SORCS3: variants seen among roughly 807,000 people sequenced by gnomAD.
SORCS3 encodes the protein VPS10 domain-containing receptor SorCS3.
In SORCS3, 57 loss-of-function variants were observed where a neutral mutation model predicts 146.3. The ratio of observed to expected loss-of-function variants is 0.39; its 90% CI spans 0.31 to 0.49. The LOEUF (loss-of-function observed/expected upper bound fraction) is 0.49. Among genes scored for constraint, SORCS3 ranks in the 20% least tolerant of loss-of-function variants. SORCS3 has a pLI of 0.92. For synonymous variants in SORCS3, 653 were observed against 618.5 expected (o/e 1.06, Z -0.83); for missense variants, 1,341 against 1,575.5 (o/e 0.85, Z 2.52).
At chr10:105,089,663 G>A in intron 5 of SORCS3, 112 bp from the exon 6 acceptor site, 1 of 796,628 alleles carries the variant, frequency 1.3e-6, no homozygotes, top group Non-Finnish European at 2.2e-6. Context: ...CTGCAGGATG[G>A]TCCTCTTTGA....
At chr10:105,015,885 A>G (rs918749273) in intron 4 of SORCS3, among the ~76,000 whole-genome samples, 4 of 151,152 alleles carry the variant, frequency 2.6e-5, no homozygotes, top group African/African-American at 9.7e-5. Flanking sequence ...GCACACCACC[A>G]TGCCTGGCTA....
chr10:104,776,175 G>A (rs1490291146), intron 1 of SORCS3, among the ~76,000 whole-genome samples: 1 of 152,174 alleles, frequency 6.6e-6, no homozygotes, highest in African/African-American at 2.4e-5. Context: ...CCACCTGGAG[G>A]TGAGGAACAT....
intron 6 of SORCS3, among the ~76,000 whole-genome samples, chr10:105,091,095 TGTCCTCCCTCCCTTTTTCCCTCCCTCCC>T: frequency 7.2e-6 from 1 of 139,504 alleles, no homozygotes; most frequent in Admixed American, 7.2e-5. Context: ...CCCTCCCTCC[TGTCCTCCCTCCCTTTTTCCCTCCCTCCC>T]TCCTTCCCTC....
chr10:105,105,951 T>C (rs1035186780), intron 7 of SORCS3, among the ~76,000 whole-genome samples: 37 of 152,160 alleles, frequency 2.4e-4, no homozygotes, highest in African/African-American at 8.4e-4. Flanking sequence ...TTCTTTCCAG[T>C]GCTGACTACC....
At chr10:104,777,542 A>C (rs548478584) in intron 1 of SORCS3, among the ~76,000 whole-genome samples, 11 of 152,146 alleles carry the variant, frequency 7.2e-5, no homozygotes, top group Non-Finnish European at 1.2e-4. Flanking sequence ...ACCAGGGGCA[A>C]ATTTTGCCTT....
chr10:104,993,793 A>G (rs1163438984), intron 4 of SORCS3, among the ~76,000 whole-genome samples: 1 of 152,178 alleles, frequency 6.6e-6, no homozygotes, highest in Admixed American at 6.5e-5. Context: ...CCAGTTTAAT[A>G]ATCAGGGAAA....
At chr10:105,157,325 G>A in intron 10 of SORCS3, 41 bp downstream of exon 10, 1 of 1,607,066 alleles carries the variant, frequency 6.2e-7, no homozygotes, top group Non-Finnish European at 8.5e-7. Context: ...AGGGCAGGCT[G>A]GCCACCTGCA....
intron 7 of SORCS3, among the ~76,000 whole-genome samples, chr10:105,130,073 G>A (rs2056007279): frequency 6.6e-6 from 1 of 152,130 alleles, no homozygotes; most frequent in South Asian, 2.1e-4. Flanking sequence ...CATTGAGTAC[G>A]TGCTATGTGC....
At chr10:105,086,904 C>T (rs929589454) in intron 5 of SORCS3, among the ~76,000 whole-genome samples, 1 of 152,156 alleles carries the variant, frequency 6.6e-6, no homozygotes, top group African/African-American at 2.4e-5. Context: ...CGTAGAAGCT[C>T]TTTAGGTTAA....
intron 1 of SORCS3, among the ~76,000 whole-genome samples, chr10:104,735,166 TGCCTGGTGACTGTCGGCTGGGCA>T (rs1394109931): frequency 2.0e-5 from 3 of 152,170 alleles, no homozygotes; most frequent in African/African-American, 7.2e-5. Context: ...GTGGCTCTCC[TGCCTGGTGACTGTCGGCTGGGCA>T]GGGGGCCGGG....
chr10:104,979,606 A>G (rs1416850001), intron 4 of SORCS3, among the ~76,000 whole-genome samples: 2 of 151,966 alleles, frequency 1.3e-5, no homozygotes, highest in African/African-American at 4.8e-5. Flanking sequence ...TGATGTCAGC[A>G]CCTTTAAACA....
At chr10:104,960,869 A>G (rs966421313) in intron 3 of SORCS3, among the ~76,000 whole-genome samples, 19 of 152,256 alleles carry the variant, frequency 1.2e-4, no homozygotes, top group African/African-American at 4.6e-4. Flanking sequence ...TTTGATGTTC[A>G]CTGGAAGAAA....
chr10:105,033,297 A>T (rs1451002745), intron 4 of SORCS3, among the ~76,000 whole-genome samples: 4 of 152,198 alleles, frequency 2.6e-5, no homozygotes, highest in Non-Finnish European at 5.9e-5. Flanking sequence ...AACATAAAAG[A>T]TAGTATGGTG....
chr10:104,856,802 T>C (rs1342113048), intron 2 of SORCS3, among the ~76,000 whole-genome samples: 2 of 144,660 alleles, frequency 1.4e-5, no homozygotes, highest in Non-Finnish European at 3.0e-5. Context: ...TATATAAATA[T>C]ATATTAATTA....
intron 7 of SORCS3, among the ~76,000 whole-genome samples, chr10:105,110,072 C>G (rs1242755316): frequency 2.0e-5 from 3 of 151,922 alleles, no homozygotes; most frequent in Non-Finnish European, 4.4e-5. Context: ...CCATCCCAAC[C>G]CTTTTTTACT....
chr10:104,745,706 G>A (rs570275128), intron 1 of SORCS3, among the ~76,000 whole-genome samples: 2 of 152,250 alleles, frequency 1.3e-5, no homozygotes, highest in South Asian at 2.1e-4. Context: ...TCACTGAAAC[G>A]TTGTATCCTT....
chr10:104,790,308 T>A (rs2017481189), intron 1 of SORCS3, among the ~76,000 whole-genome samples: 1 of 151,960 alleles, frequency 6.6e-6, no homozygotes, highest in Non-Finnish European at 1.5e-5. Flanking sequence ...GAGTTTTCAG[T>A]AGATGGAGAA....
At chr10:104,742,289 T>G (rs536340306) in intron 1 of SORCS3, among the ~76,000 whole-genome samples, 1 of 152,346 alleles carries the variant, frequency 6.6e-6, no homozygotes, top group East Asian at 1.9e-4. Flanking sequence ...AGAAAAGATG[T>G]GCAAAGTTTT....
chr10:104,721,355 T>C (rs988390316), intron 1 of SORCS3, among the ~76,000 whole-genome samples: 3 of 152,234 alleles, frequency 2.0e-5, no homozygotes, highest in African/African-American at 7.2e-5. Flanking sequence ...TTGGTACCAG[T>C]ACCATGCTGT....
Sources: allele counts gnomAD v4.1 joint callset (sites outside exome capture counted in the v4.1 genomes callset), GRCh38; gene constraint gnomAD v4.1.1; transcripts MANE v1.5; gene names NCBI Gene and HGNC (gene_info 2026-07-23, HGNC 2026-07-21).